Variants in TMEM178B observed in about 807,000 individuals in gnomAD.
TMEM178B encodes the protein transmembrane protein 178B.
TMEM178B carries 5 observed loss-of-function variants against 31.0 expected under a neutral mutation model. That is an observed-to-expected ratio of 0.16 (90% CI 0.08 to 0.34). The LOEUF (loss-of-function observed/expected upper bound fraction) is 0.34. Among genes scored for constraint, TMEM178B ranks in the 10% least tolerant of loss-of-function variants. The pLI, the probability that TMEM178B is intolerant of heterozygous loss-of-function variation, is 1.00. For missense variants in TMEM178B, 275 were observed against 400.3 expected, an observed-to-expected ratio of 0.69 and a Z score of 2.67; for synonymous variants, 164 against 164.0, an observed-to-expected ratio of 1.00 and a Z score of 0.00.
chr7:141,287,511 A>G (rs1449480487), intron 2 of TMEM178B, among the ~76,000 whole-genome samples: 1 of 152,210 alleles, frequency 6.6e-6, no homozygotes, highest in African/African-American at 2.4e-5. Context: ...GTTATGTAGC[A>G]CAATTTATGA....
intron 3 of TMEM178B, among the ~76,000 whole-genome samples, chr7:141,466,952 C>T (rs890700375): frequency 6.6e-6 from 1 of 152,098 alleles, no homozygotes; most frequent in African/African-American, 2.4e-5. Context: ...AATGCCAAGA[C>T]ACAGCTTCCT....
chr7:141,074,617 T>A lies in TMEM178B; in HGVS notation c.307T>A (p.Ser103Thr), dbSNP rs1458952538. Residue 103 changes from serine (S) to threonine (T), a missense_variant, in exon 1 of 4, where the codon TCC becomes ACC. Transcript: ENST00000565468. The surrounding 1 kb of genome is among the most constrained non-coding windows in gnomAD (Gnocchi z 5.1). ...GGACGAGTGCAGCCGGCAGTACAAC[T>A]CCACCAACATGGGCCTCTGGAGGAA... is the stretch of plus-strand genomic sequence containing the variant. ...PADECSRQYN[S>T]TNMGLWRKCH... 1 of 1,534,882 alleles carries A rather than the reference T, an allele frequency of 6.5e-7. No homozygotes were observed. Among genetic ancestry groups the A allele is most frequent in the African/African-American group, 1.4e-5 (1 of 73,128 alleles).
intron 1 of TMEM178B, among the ~76,000 whole-genome samples, chr7:141,108,998 AC>A (rs1795191996): frequency 1.3e-5 from 2 of 152,142 alleles, no homozygotes; most frequent in Admixed American, 1.3e-4. Flanking sequence ...GCCAAGTGAA[AC>A]GGATTTCCCC....
intron 2 of TMEM178B, among the ~76,000 whole-genome samples, chr7:141,382,402 T>G (rs1157483207): frequency 1.3e-5 from 2 of 152,178 alleles, no homozygotes; most frequent in Non-Finnish European, 2.9e-5. Flanking sequence ...AAAGGATGGG[T>G]CCCAGGACCT....
At chr7:141,431,913 G>A (rs1205716299) in intron 2 of TMEM178B, among the ~76,000 whole-genome samples, 1 of 152,104 alleles carries the variant, frequency 6.6e-6, no homozygotes, top group Non-Finnish European at 1.5e-5. Context: ...TAACGAGAAT[G>A]GGCAGGAATA....
chr7:141,502,695 G>A, the TMEM178B span, among the ~76,000 whole-genome samples: 6,165 of 152,038 alleles, frequency 0.041, 397 homozygotes, highest in African/African-American at 0.14. Flanking sequence ...GCTTGAACCC[G>A]GGAGGCGGAG....
intron 2 of TMEM178B, among the ~76,000 whole-genome samples, chr7:141,353,767 C>T (rs1463823371): frequency 6.6e-6 from 1 of 152,298 alleles, no homozygotes; most frequent in East Asian, 1.9e-4. Flanking sequence ...TCAGCCTTCT[C>T]TATTCAGCAA....
At chr7:141,363,896 A>G (rs1799958648) in intron 2 of TMEM178B, among the ~76,000 whole-genome samples, 1 of 151,896 alleles carries the variant, frequency 6.6e-6, no homozygotes, top group South Asian at 2.1e-4. Context: ...TTTCTAAAAA[A>G]TAAATAAATA....
intron 2 of TMEM178B, among the ~76,000 whole-genome samples, chr7:141,423,121 C>T (rs1433605946): frequency 6.6e-6 from 1 of 152,114 alleles, no homozygotes; most frequent in Admixed American, 6.5e-5. Flanking sequence ...CTCACTGTAA[C>T]CTCCGCCTTC....
At chr7:141,404,377 G>T (rs1800843829) in intron 2 of TMEM178B, among the ~76,000 whole-genome samples, 1 of 152,194 alleles carries the variant, frequency 6.6e-6, no homozygotes. Context: ...TTTAGAGGCT[G>T]GAAGTGCAGA....
At chr7:141,423,324 C>T (rs546583172) in intron 2 of TMEM178B, among the ~76,000 whole-genome samples, 1 of 152,336 alleles carries the variant, frequency 6.6e-6, no homozygotes, top group South Asian at 2.1e-4. Flanking sequence ...CCACCATGCC[C>T]AGCCCATAAT....
At chr7:141,345,927 T>C (rs1372642323) in intron 2 of TMEM178B, among the ~76,000 whole-genome samples, 1 of 152,178 alleles carries the variant, frequency 6.6e-6, no homozygotes, top group Non-Finnish European at 1.5e-5. Context: ...TATAAAACTT[T>C]TGTTTTGTGG....
At chr7:141,410,412 C>A in intron 2 of TMEM178B, among the ~76,000 whole-genome samples, 1 of 126,930 alleles carries the variant, frequency 7.9e-6, no homozygotes, top group East Asian at 2.4e-4. Context: ...CTTTTCTTTT[C>A]TTTTCTTCTG....
At chr7:141,464,100 A>G (rs1802108450) in intron 3 of TMEM178B, among the ~76,000 whole-genome samples, 2 of 152,190 alleles carry the variant, frequency 1.3e-5, no homozygotes, top group African/African-American at 4.8e-5. Context: ...AGTTAGAGGC[A>G]TAGTAAGTGT....
rs1245147542 is a variant in TMEM178B at position 141,475,386 on chromosome 7, G to GTGA, written c.*4602_*4604dup. ...ACATTATTCCTGGTTCTTAGAATAT[G>GTGA]TGATTACTGAGTATTGGATTTCTTT... On this transcript the variant is annotated 3_prime_UTR_variant, in exon 4 of 4. Transcript: ENST00000565468. 1 of 152,184 alleles carries GTGA rather than the reference G, an allele frequency of 6.6e-6. No individual in the cohort carries two copies. Among genetic ancestry groups the GTGA allele is most frequent in the African/African-American group, 2.4e-5 (1 of 41,452 alleles). 9.4% of individuals were successfully genotyped at this position (152,184 alleles called of 1,614,324 possible).
intron 2 of TMEM178B, among the ~76,000 whole-genome samples, chr7:141,397,055 C>T (rs1030405785): frequency 2.0e-5 from 3 of 152,184 alleles, no homozygotes; most frequent in Admixed American, 2.0e-4. Flanking sequence ...GTCACTATTA[C>T]TGCCATCATC....
intron 3 of TMEM178B, among the ~76,000 whole-genome samples, chr7:141,464,365 A>T (rs1251370062): frequency 6.6e-6 from 1 of 152,072 alleles, no homozygotes; most frequent in African/African-American, 2.4e-5. Context: ...CTTGGGAGGG[A>T]ACCTTACAGT....
intron 1 of TMEM178B, among the ~76,000 whole-genome samples, chr7:141,132,439 A>G (rs1025288184): frequency 6.6e-6 from 1 of 152,252 alleles, no homozygotes; most frequent in Non-Finnish European, 1.5e-5. Flanking sequence ...ATCAACATTT[A>G]GCAATGTACT....
chr7:141,367,727 G>A (rs781116343), intron 2 of TMEM178B, among the ~76,000 whole-genome samples: 1 of 152,150 alleles, frequency 6.6e-6, no homozygotes, highest in Non-Finnish European at 1.5e-5. Flanking sequence ...GAACACTGTG[G>A]AGTATAACCC....
Sources: allele counts gnomAD v4.1 joint callset (sites outside exome capture counted in the v4.1 genomes callset), GRCh38; gene constraint gnomAD v4.1.1; non-coding constraint Gnocchi (gnomAD v3.1); transcripts MANE v1.5; gene names NCBI Gene and HGNC (gene_info 2026-07-23, HGNC 2026-07-21).